EXT1: variants seen among roughly 807,000 people sequenced by gnomAD.
EXT1 encodes exostosin glycosyltransferase 1, also known as exostosin-1.
EXT1 carries 20 observed loss-of-function variants against 82.5 expected under a neutral mutation model. The ratio of observed to expected loss-of-function variants is 0.24; its 90% CI spans 0.17 to 0.35. EXT1 has a LOEUF of 0.35. EXT1 is among the 10% of genes least tolerant of loss of function. EXT1 has a pLI of 1.00. For synonymous variants in EXT1, 348 were observed against 350.8 expected, an observed-to-expected ratio of 0.99 and a Z score of 0.09; for missense variants, 757 against 936.5, an observed-to-expected ratio of 0.81 and a Z score of 2.50.
At chr8:118,036,265 C>G (rs144600555) in intron 1 of EXT1, among the ~76,000 whole-genome samples, 1 of 152,224 alleles carries the variant, frequency 6.6e-6, no homozygotes, top group East Asian at 1.9e-4. Context: ...CTTAATGACA[C>G]CAGTATTCAG....
chr8:118,091,510 G>A lies in EXT1; in HGVS notation c.962+18575C>T, dbSNP rs1017526095. Among the ~76,000 whole-genome samples the A allele has an allele frequency of 3.3e-5, 5 of 152,054 alleles. 1 individual carries two copies. The highest frequency in any genetic ancestry group is 1.9e-4 in the East Asian group (1 of 5,166). On this transcript the variant is annotated intron_variant, in intron 1 of 10. Coordinates refer to ENST00000378204, the MANE Select transcript of EXT1 (RefSeq NM_000127.3). ...TCCCAGCACTTTGGGAGGCCGAGGC[G>A]GGCGGATCACGAGGTCAGGAGATTG...
chr8:118,092,737 G>A (rs1234263434), intron 1 of EXT1, among the ~76,000 whole-genome samples: 2 of 152,194 alleles, frequency 1.3e-5, no homozygotes, highest in East Asian at 1.9e-4. Context: ...ACAGAAAAAC[G>A]TGTAATACAA....
chr8:117,927,488 T>C (rs950382255), intron 1 of EXT1, among the ~76,000 whole-genome samples: 1 of 148,236 alleles, frequency 6.7e-6, no homozygotes, highest in African/African-American at 2.5e-5. Flanking sequence ...AAACACATCA[T>C]GTCAGTAGTC....
At chr8:118,007,596 C>T (rs150812251) in intron 1 of EXT1, among the ~76,000 whole-genome samples, 2 of 152,348 alleles carry the variant, frequency 1.3e-5, no homozygotes, top group East Asian at 1.9e-4. Context: ...GTGTTCCACA[C>T]ATGCATCCAG....
intron 6 of EXT1, among the ~76,000 whole-genome samples, chr8:117,819,202 C>G (rs1013914582): frequency 6.6e-6 from 1 of 152,154 alleles, no homozygotes; most frequent in Non-Finnish European, 1.5e-5. Flanking sequence ...AATATTGTTA[C>G]CATAGGCATA....
intron 1 of EXT1, among the ~76,000 whole-genome samples, chr8:118,089,264 TG>T (rs993220125): frequency 6.6e-6 from 1 of 152,044 alleles, no homozygotes. Flanking sequence ...CTCAAAGAAT[TG>T]GGGGTGAATA....
At chr8:117,812,996 A>G (rs1254267506) in intron 7 of EXT1, 35 bp from the exon 8 acceptor site, 2 of 1,568,874 alleles carry the variant, frequency 1.3e-6, no homozygotes, top group Non-Finnish European at 8.7e-7. Flanking sequence ...TGGGGAGGGA[A>G]TGAGGGAAAG....
At chr8:118,012,956 CCTT>C (rs1235371745) in intron 1 of EXT1, among the ~76,000 whole-genome samples, 1 of 152,136 alleles carries the variant, frequency 6.6e-6, no homozygotes, top group Non-Finnish European at 1.5e-5. Context: ...GGCTCTCACT[CCTT>C]CGTCTCTAAA....
At chr8:117,817,697 G>T (rs943692764) in intron 7 of EXT1, among the ~76,000 whole-genome samples, 1 of 152,094 alleles carries the variant, frequency 6.6e-6, no homozygotes, top group African/African-American at 2.4e-5. Context: ...GAGACACAGC[G>T]CAATTCAGCT....
chr8:118,110,066 C>T lies in EXT1; in HGVS notation c.962+19G>A, dbSNP rs375619520. 6.2e-7 allele frequency: 1 copy of T among 1,613,190 alleles called. No individual in the cohort carries two copies. The highest frequency in any genetic ancestry group is 2.2e-5 in the East Asian group (1 of 44,868). Reference sequence around the variant, plus strand: ...AGCCCAAGGCTGACTCCCAAAGACACGCCAGCCCAGACACTTACTTCTCAT... The same window carrying T: ...AGCCCAAGGCTGACTCCCAAAGACATGCCAGCCCAGACACTTACTTCTCAT... On this transcript the variant is annotated intron_variant, in intron 1 of 10. Coordinates refer to ENST00000378204, the MANE Select transcript of EXT1 (RefSeq NM_000127.3).
intron 1 of EXT1, among the ~76,000 whole-genome samples, chr8:117,993,952 T>C (rs541065956): frequency 1.7e-4 from 26 of 152,212 alleles, no homozygotes; most frequent in African/African-American, 6.3e-4. Flanking sequence ...TTTTCCTAGA[T>C]TGTTGTTAGA....
chr8:117,924,632 A>G (rs537134219), intron 1 of EXT1, among the ~76,000 whole-genome samples: 1 of 152,356 alleles, frequency 6.6e-6, no homozygotes, highest in South Asian at 2.1e-4. Context: ...ACAGGTAAAT[A>G]GGAAATTCAG....
Position 117,794,946 on chromosome 8 carries a change from T to C in EXT1, c.*4766A>G, listed in dbSNP as rs1033072467. 1 of 152,186 alleles carries C rather than the reference T, an allele frequency of 6.6e-6. No individual in the cohort carries two copies. The highest frequency in any genetic ancestry group is 2.4e-5 in the African/African-American group (1 of 41,444). The allele number at this position is 152,186 out of a possible 1,614,324, so 9.4% of individuals were successfully genotyped here. A position where few individuals can be genotyped will look rare whatever the true frequency, so the allele number is the denominator to read the frequency against. The stretch of plus-strand genomic sequence containing the variant: ...GTTCTCTCAAAATAAGTACACAAGG[T>C]TCATTACATGGTAACCAGGTCATTT... On this transcript the variant is annotated 3_prime_UTR_variant, in exon 11 of 11. Transcript: ENST00000378204.
chr8:118,108,066 A>G (rs1817830695), intron 1 of EXT1, among the ~76,000 whole-genome samples: 1 of 152,232 alleles, frequency 6.6e-6, no homozygotes, highest in Admixed American at 6.5e-5. Context: ...CCCGATCACA[A>G]AGAGGTCAAA....
rs781678414 is a variant in EXT1, at chr8:118,110,401, G to C, written c.646C>G (p.Leu216Val). 3 of 1,613,798 alleles carry C rather than the reference G, an allele frequency of 1.9e-6. No homozygotes were observed. Among genetic ancestry groups the C allele is most frequent in the Non-Finnish European group, 2.5e-6 (3 of 1,179,830 alleles). Residue 216 changes from leucine (L) to valine (V), a missense_variant, in exon 1 of 11, where the codon CTG becomes GTG. Leu to Val is a conservative substitution (Grantham distance 32, BLOSUM62 1). Transcript: ENST00000378204. ...DVGFDIGQAM[L>V]AKASISTENF... ...TCAGTACTGATGCTGGCTTTGGCCAGCATCGCCTGGCCGATGTCAAACCCC... is the reference window on the plus strand; with the variant it reads ...TCAGTACTGATGCTGGCTTTGGCCACCATCGCCTGGCCGATGTCAAACCCC...
chr8:118,095,839 C>T (rs750897151), intron 1 of EXT1, among the ~76,000 whole-genome samples: 9 of 152,220 alleles, frequency 5.9e-5, no homozygotes, highest in Non-Finnish European at 4.4e-5. Flanking sequence ...TTTACCTATG[C>T]ACCTTGAGTA....
Position 117,897,466 on chromosome 8 carries a change from T to C in EXT1, c.963-60265A>G, listed in dbSNP as rs534498587. On this transcript the variant is annotated intron_variant, in intron 1 of 10. Transcript: ENST00000378204. ...CCTGCTTTATTTCAATGAACACTTG[T>C]AGCAATCTGAAAGGTCATATTGGCT... 2.3e-4 allele frequency among the ~76,000 whole-genome samples: 35 copies of C among 152,258 alleles called. No individual in the cohort carries two copies. The East Asian group carries it at 6.4e-3, about 28-fold the overall frequency.
intron 3 of EXT1, chr8:117,831,548 T>C (rs976786132): frequency 2.5e-5 from 12 of 470,788 alleles, no homozygotes; most frequent in African/African-American, 2.0e-4. Flanking sequence ...ACGGAGTCTA[T>C]AGTCTTTAGG....
chr8:117,939,675 G>A (rs189563834), intron 1 of EXT1, among the ~76,000 whole-genome samples: 11 of 152,114 alleles, frequency 7.2e-5, no homozygotes, highest in Non-Finnish European at 7.4e-5. Flanking sequence ...GCTGGAATTT[G>A]ACTTCAAGGC....
Sources: gnomAD v4.1 joint callset for allele counts (sites outside exome capture counted in the v4.1 genomes callset) on GRCh38, gnomAD v4.1.1 for gene constraint, MANE v1.5 for transcripts, NCBI Gene and HGNC (gene_info 2026-07-23, HGNC 2026-07-21) for gene names.